Variants in STIP1 observed in about 807,000 individuals in gnomAD.
STIP1 encodes stress induced phosphoprotein 1, also known as stress-induced-phosphoprotein 1.
A neutral mutation model predicts 77.4 loss-of-function variants in STIP1; 16 were observed. The ratio of observed to expected loss-of-function variants is 0.21; its 90% CI spans 0.14 to 0.31. STIP1 has a LOEUF of 0.31. STIP1 is among the 10% of genes least tolerant of loss of function. The pLI, the probability that STIP1 is intolerant of heterozygous loss-of-function variation, is 1.00. For missense variants in STIP1, 524 were observed against 684.8 expected (o/e 0.77, Z 2.62); for synonymous variants, 258 against 246.6 (o/e 1.05, Z -0.44).
Position 64,193,105 on chromosome 11 carries a change from A to G in STIP1, c.37A>G (p.Lys13Glu). 6.2e-7 allele frequency: 1 copy of G among 1,614,226 alleles called. No homozygotes were observed. Among genetic ancestry groups the G allele is most frequent in the Non-Finnish European group, 8.5e-7 (1 of 1,180,048 alleles). The change falls in exon 2 of 14, where the codon AAG (lysine) becomes GAG (glutamate). Residue 13 changes from lysine (K) to glutamate (E), a missense_variant. Transcript: ENST00000305218. ...QVNELKEKGN[K>E]ALSVGNIDDA... is the part of the protein sequence containing the mutation. Reference sequence around the variant, plus strand: ...CAATGAGCTGAAGGAGAAAGGCAACAAGGCCCTGAGCGTGGGTAACATCGA... The same window carrying G: ...CAATGAGCTGAAGGAGAAAGGCAACGAGGCCCTGAGCGTGGGTAACATCGA...
intron 1 of STIP1, among the ~76,000 whole-genome samples, chr11:64,191,941 C>G (rs1198111119): frequency 6.6e-6 from 1 of 151,764 alleles, no homozygotes; most frequent in Admixed American, 6.6e-5. Context: ...TCTCCCCAGT[C>G]AGTTGGGTGG....
intron 1 of STIP1, among the ~76,000 whole-genome samples, chr11:64,188,290 G>T (rs1392182480): frequency 6.7e-6 from 1 of 150,298 alleles, no homozygotes; most frequent in Non-Finnish European, 1.5e-5. Context: ...GTTGCAGTGA[G>T]CTGTGATCAC....
chr11:64,186,169 G>A, upstream of STIP1: 1 of 1,550,452 alleles, frequency 6.4e-7, no homozygotes, highest in Non-Finnish European at 8.7e-7. Flanking sequence ...CGGGGTCCCG[G>A]TAGCTTCTAG....
At chr11:64,189,856 C>T (rs573700355) in intron 1 of STIP1, among the ~76,000 whole-genome samples, 13 of 152,238 alleles carry the variant, frequency 8.5e-5, no homozygotes, top group South Asian at 4.1e-4. Context: ...GTTAACTCTT[C>T]GTCTTCTGGC....
intron 12 of STIP1, 109 bp downstream of exon 12, chr11:64,203,337 C>T (rs543118448): frequency 1.9e-6 from 3 of 1,577,408 alleles, no homozygotes; most frequent in East Asian, 2.3e-5. Flanking sequence ...CTCTCTGTTT[C>T]TCTCTTACTT....
intron 1 of STIP1, among the ~76,000 whole-genome samples, chr11:64,190,691 C>A (rs1946082909): frequency 6.6e-6 from 1 of 152,194 alleles, no homozygotes; most frequent in Admixed American, 6.5e-5. Flanking sequence ...GGTGACAACT[C>A]TATCTCACAG....
intron 5 of STIP1, 66 bp downstream of exon 5, chr11:64,195,879 G>C (rs980129849): frequency 1.2e-6 from 2 of 1,600,562 alleles, no homozygotes; most frequent in African/African-American, 1.3e-5. Context: ...ATGTTGAATG[G>C]GGACATCTGT....
At position 64,203,221 on chromosome 11, in the gene STIP1, G is replaced by A. The variant is rs751421552; in HGVS notation, c.1379G>A (p.Ser460Asn). 6.2e-7 allele frequency: 1 copy of A among 1,613,886 alleles called. No individual in the cohort carries two copies. Among genetic ancestry groups the A allele is most frequent in the Admixed American group, 1.7e-5 (1 of 60,032 alleles). ...CAGAAGGCGCTAGACCTGGACTCCA[G>A]CTGTAAGGTGGGGCTGCTTCTGGCC... Reference protein sequence around the residue: ...VYQKALDLDSSCKEAADGYQR... With the variant: ...VYQKALDLDSNCKEAADGYQR... The change falls in exon 12 of 14, where the codon AGC becomes AAC. Residue 460 changes from serine (S) to asparagine (N), a missense_variant. Coordinates refer to ENST00000305218, the MANE Select transcript of STIP1 (RefSeq NM_006819.3).
intron 1 of STIP1, among the ~76,000 whole-genome samples, chr11:64,187,265 C>T (rs1362752982): frequency 6.6e-6 from 1 of 152,022 alleles, no homozygotes; most frequent in East Asian, 1.9e-4. Context: ...AATGATTCAT[C>T]GGAAGAAAAA....
chr11:64,185,828 G>C, upstream of STIP1: 1 of 1,536,094 alleles, frequency 6.5e-7, no homozygotes, highest in Non-Finnish European at 8.7e-7. Context: ...TTCCGACATG[G>C]AGTCCGGCAG....
intron 13 of STIP1, 166 bp downstream of exon 13, chr11:64,203,788 G>GTTTA: frequency 1.1e-6 from 1 of 927,452 alleles, no homozygotes; most frequent in Non-Finnish European, 1.6e-6. Flanking sequence ...GAAGGGCTTT[G>GTTTA]TTAGTCGTGA....
chr11:64,200,681 T>C (rs1946209849), intron 10 of STIP1, among the ~76,000 whole-genome samples: 2 of 151,986 alleles, frequency 1.3e-5, no homozygotes, highest in African/African-American at 4.8e-5. Flanking sequence ...GAGTCACTAC[T>C]GGTTGGCAGT....
chr11:64,198,210 C>T (rs892951620), intron 8 of STIP1, among the ~76,000 whole-genome samples: 5 of 151,884 alleles, frequency 3.3e-5, no homozygotes, highest in Non-Finnish European at 7.4e-5. Flanking sequence ...CACGTGCCAC[C>T]ACGTCCAGCT....
chr11:64,203,275 G>C lies in STIP1; in HGVS notation c.1386+47G>C, dbSNP rs369256383. On this transcript the variant is annotated intron_variant, in intron 12 of 13. Transcript: ENST00000305218. The stretch of plus-strand genomic sequence containing the variant: ...AGGGGCCCCCCCTGCCTCTTTCTCT[G>C]TTGGGGCTTTTCCATGTTCAGTCCC... 2.5e-6 allele frequency: 4 copies of C among 1,605,058 alleles called. No homozygotes were observed. In the Admixed American group the frequency reaches 5.0e-5, roughly 20 times the overall value.
At chr11:64,186,013 G>T (rs1278411051), upstream of STIP1, 11 of 1,544,268 alleles carry the variant, frequency 7.1e-6, no homozygotes, top group Admixed American at 2.0e-5. Context: ...GAGGTGCGGG[G>T]GAGGCAGGGT....
intron 8 of STIP1, among the ~76,000 whole-genome samples, chr11:64,199,660 T>G (rs1164122852): frequency 6.8e-6 from 1 of 148,144 alleles, no homozygotes; most frequent in Non-Finnish European, 1.5e-5. Context: ...GCCTCCCGGG[T>G]TCACGCCATT....
chr11:64,199,181 A>G (rs1283496989), intron 8 of STIP1, among the ~76,000 whole-genome samples: 1 of 127,864 alleles, frequency 7.8e-6, no homozygotes, highest in Non-Finnish European at 1.6e-5. Context: ...AGCCTGGGTG[A>G]GAGTGAGACT....
rs1172681937 is a variant in STIP1, at chr11:64,186,265, G to C, written c.4G>C (p.Glu2Gln). M[E>Q]QVNELKEKGN... The stretch of plus-strand genomic sequence containing the variant: ...GGGTTCCGGACCGCGCTGCGCTATG[G>C]AGCAGGTGAAGGGGGAGGGGCGGGC... The change falls in exon 1 of 14, where the codon GAG becomes CAG. Residue 2 changes from glutamate (E) to glutamine (Q), a missense_variant. Coordinates refer to ENST00000305218, the MANE Select transcript of STIP1 (RefSeq NM_006819.3). 1 of 1,535,844 alleles carries C rather than the reference G, an allele frequency of 6.5e-7. No homozygotes were observed. The highest frequency in any genetic ancestry group is 1.4e-5 in the African/African-American group (1 of 72,364).
chr11:64,189,346 G>A (rs1946064685), intron 1 of STIP1, among the ~76,000 whole-genome samples: 4 of 152,028 alleles, frequency 2.6e-5, no homozygotes, highest in South Asian at 2.1e-4. Flanking sequence ...GGGTAACAGC[G>A]AGACTCCGTC....
Sources: gnomAD v4.1 joint callset for allele counts (sites outside exome capture counted in the v4.1 genomes callset) on GRCh38, gnomAD v4.1.1 for gene constraint, MANE v1.5 for transcripts, NCBI Gene and HGNC (gene_info 2026-07-23, HGNC 2026-07-21) for gene names.